Variants in ACAP2 observed in about 807,000 individuals in gnomAD.
The protein encoded by ACAP2 is ArfGAP with coiled-coil, ankyrin repeat and PH domains 2.
A neutral mutation model predicts 115.8 loss-of-function variants in ACAP2; 39 were observed. The observed-to-expected ratio is 0.34, with a 90% confidence interval of 0.26 to 0.44. The LOEUF is 0.44. ACAP2 is among the 20% of genes least tolerant of loss of function. The pLI is 1.00. For synonymous variants in ACAP2, 289 were observed against 315.8 expected (o/e 0.92, Z 0.90); for missense variants, 662 against 927.6 (o/e 0.71, Z 3.72).
intron 10 of ACAP2, among the ~76,000 whole-genome samples, chr3:195,317,366 AC>A (rs1171134101): frequency 1.3e-5 from 2 of 152,202 alleles, no homozygotes; most frequent in African/African-American, 2.4e-5. Flanking sequence ...TAAAATAAAA[AC>A]AACCTTCATC....
rs1727945984 is a variant in ACAP2 at position 195,300,080 on chromosome 3, T to C, written c.1395+1495A>G. Among the ~76,000 whole-genome samples, 5 of 146,444 alleles carry C rather than the reference T, an allele frequency of 3.4e-5. No individual in the cohort carries two copies. In the South Asian group the frequency reaches 1.1e-3, roughly 32 times the overall value. The stretch of plus-strand genomic sequence containing the variant: ...TTTTTTTTTTGAGACACAGTCTTCC[T>C]CTGTTGCCCAGGCCGGAGTGCAGTG... On this transcript the variant is annotated intron_variant, in intron 15 of 22. Transcript: ENST00000326793.
intron 20 of ACAP2, among the ~76,000 whole-genome samples, chr3:195,289,737 C>A (rs1008303270): frequency 3.6e-5 from 5 of 138,524 alleles, no homozygotes; most frequent in African/African-American, 1.3e-4. Flanking sequence ...ACCCGGGAGG[C>A]GGAGCTTGCA....
chr3:195,281,280 C>CTA (rs1726490168), intron 22 of ACAP2, among the ~76,000 whole-genome samples: 1 of 152,046 alleles, frequency 6.6e-6, no homozygotes. Context: ...TGGTGGGCGC[C>CTA]TGTAGTCCCA....
chr3:195,377,138 C>CTTTTTTTTTTTTTTTTTTTTTTTTTT (rs749352761), intron 4 of ACAP2, among the ~76,000 whole-genome samples: 1 of 77,082 alleles, frequency 1.3e-5, no homozygotes, highest in Non-Finnish European at 2.3e-5. Flanking sequence ...GAATGTAAAT[C>CTTTTTTTTTTTTTTTTTTTTTTTTTT]TTTTTTTTTT....
intron 4 of ACAP2, among the ~76,000 whole-genome samples, chr3:195,379,877 T>A (rs1733832233): frequency 6.6e-6 from 1 of 152,032 alleles, no homozygotes; most frequent in Non-Finnish European, 1.5e-5. Flanking sequence ...AGTAAGCACA[T>A]AAAAGATGCT....
Position 195,295,814 on chromosome 3 carries a change from A to T in ACAP2, c.1566T>A (p.Pro522=), listed in dbSNP as rs200419856. The change falls in exon 17 of 23, where the codon CCT becomes CCA. Residue 522 remains proline (P), a synonymous_variant. Transcript: ENST00000326793. Reference sequence around the variant, plus strand: ...AGACAAACTTTTTTTGCTGCTCAGGAGGTGATAATGATATAGAATATTTAT... The same window carrying T: ...AGACAAACTTTTTTTGCTGCTCAGGTGGTGATAATGATATAGAATATTTAT... The part of the protein sequence containing the change: ...FVDKYSISLS[P]PEQQKKFVSK... 2 of 1,614,060 alleles carry T rather than the reference A, an allele frequency of 1.2e-6. No individual in the cohort carries two copies. Among genetic ancestry groups the T allele is most frequent in the East Asian group, 4.5e-5 (2 of 44,856 alleles).
intron 8 of ACAP2, 81 bp downstream of exon 8, chr3:195,332,947 A>G: frequency 9.9e-7 from 1 of 1,013,754 alleles, no homozygotes; most frequent in Non-Finnish European, 1.5e-6. Context: ...ACAAACTAGT[A>G]CACCTCCAAT....
intron 1 of ACAP2, among the ~76,000 whole-genome samples, chr3:195,414,398 C>T (rs1020009199): frequency 5.3e-5 from 8 of 152,292 alleles, no homozygotes; most frequent in Admixed American, 2.0e-4. Context: ...TATGAGCTGC[C>T]ATACCCAGCC....
chr3:195,289,253 T>C (rs762481020), intron 20 of ACAP2, 22 bp from the exon 21 acceptor site: 34 of 1,558,766 alleles, frequency 2.2e-5, no homozygotes, highest in Non-Finnish European at 2.7e-5. Context: ...CACAGCATTT[T>C]TGAGATATTG....
chr3:195,284,617 G>A (rs1025867890), intron 22 of ACAP2, among the ~76,000 whole-genome samples: 5 of 152,038 alleles, frequency 3.3e-5, no homozygotes, highest in Non-Finnish European at 4.4e-5. Context: ...AGGAAAGAAC[G>A]GCCTCACATT....
chr3:195,316,211 T>G (rs988685215), intron 10 of ACAP2, among the ~76,000 whole-genome samples: 65 of 151,812 alleles, frequency 4.3e-4, no homozygotes, highest in East Asian at 1.9e-4. Context: ...TTGTTTTTTT[T>G]TTTTTCCAAC....
rs1728406151 is a variant in ACAP2, at chr3:195,306,155, T to C, written c.1116+356A>G. ...CTTCACCTAAGAGACAATATTATGC[T>C]TCCCTTTTTTGCTTTCATTCAGTTT... On this transcript the variant is annotated intron_variant, in intron 13 of 22. Transcript: ENST00000326793. Among the ~76,000 whole-genome samples the C allele has an allele frequency of 2.6e-5, 4 of 152,202 alleles. 1 individual carries two copies. The South Asian group carries it at 6.2e-4, about 24-fold the overall frequency.
chr3:195,410,256 C>A (rs116050786), intron 1 of ACAP2, among the ~76,000 whole-genome samples: 3,410 of 152,188 alleles, frequency 0.022, 118 homozygotes, highest in African/African-American at 0.076. Context: ...ACACCACATA[C>A]AAAAATTAAC....
intron 4 of ACAP2, among the ~76,000 whole-genome samples, chr3:195,365,788 G>A (rs551773518): frequency 3.8e-4 from 58 of 151,634 alleles, no homozygotes; most frequent in African/African-American, 1.3e-3. Context: ...GGAATTGCTC[G>A]CAATATGTCA....
chr3:195,326,704 A>T, intron 9 of ACAP2, 181 bp downstream of exon 9: 1 of 527,866 alleles, frequency 1.9e-6, no homozygotes, highest in Non-Finnish European at 3.3e-6. Context: ...TGAAAAAATA[A>T]CAAAATACAT....
intron 4 of ACAP2, among the ~76,000 whole-genome samples, chr3:195,361,732 G>T (rs773576307): frequency 9.2e-5 from 14 of 151,692 alleles, no homozygotes; most frequent in Non-Finnish European, 1.9e-4. Context: ...AAAAATCAAC[G>T]AAACAAAAAG....
intron 1 of ACAP2, among the ~76,000 whole-genome samples, chr3:195,440,585 C>G (rs2108882058): frequency 6.6e-6 from 1 of 152,304 alleles, no homozygotes; most frequent in Admixed American, 6.5e-5. Context: ...AAAAAACAAG[C>G]CCAGGCCTCA....
chr3:195,336,913 A>G lies in ACAP2; in HGVS notation c.573+19T>C, dbSNP rs865840683. 3 of 1,565,528 alleles carry G rather than the reference A, an allele frequency of 1.9e-6. No homozygotes were observed. The highest frequency in any genetic ancestry group is 3.4e-4 in the Middle Eastern group (2 of 5,920). On this transcript the variant is annotated intron_variant, in intron 7 of 22. Coordinates refer to ENST00000326793, the MANE Select transcript of ACAP2 (RefSeq NM_012287.6). Reference sequence around the variant, plus strand: ...TTCATATTAAAATATTTAAAACATCATTTCAATTAATGTCTTACTGATTTT... The same window carrying G: ...TTCATATTAAAATATTTAAAACATCGTTTCAATTAATGTCTTACTGATTTT...
chr3:195,427,631 C>T (rs1229260836), intron 1 of ACAP2, among the ~76,000 whole-genome samples: 1 of 151,948 alleles, frequency 6.6e-6, no homozygotes, highest in Admixed American at 6.6e-5. Flanking sequence ...ATATCTAGGC[C>T]GGACGCAGTG....
Sources: gnomAD v4.1 joint callset for allele counts (sites outside exome capture counted in the v4.1 genomes callset) on GRCh38, gnomAD v4.1.1 for gene constraint, MANE v1.5 for transcripts, NCBI Gene and HGNC (gene_info 2026-07-23, HGNC 2026-07-21) for gene names.